The following CPEB2 variants were observed in gnomAD, a reference collection of about 807,000 sequenced individuals.
The protein encoded by CPEB2 is cytoplasmic polyadenylation element binding protein 2.
A neutral mutation model predicts 93.6 loss-of-function variants in CPEB2; 56 were observed. The observed-to-expected ratio is 0.60, with a 90% CI of 0.48 to 0.75. CPEB2 has a LOEUF of 0.75. Ranked by LOEUF, CPEB2 falls within the 30% of genes least tolerant of loss-of-function variation. The pLI is 0.00. For missense variants in CPEB2, 1,579 were observed against 1,395.1 expected, an observed-to-expected ratio of 1.13 and a Z score of -2.10; for synonymous variants, 764 against 586.3, an observed-to-expected ratio of 1.30 and a Z score of -4.38.
chr4:15,012,667 C>T (rs926994261), intron 3 of CPEB2, among the ~76,000 whole-genome samples: 2 of 151,958 alleles, frequency 1.3e-5, no homozygotes, highest in Admixed American at 1.3e-4. Context: ...TCAATATCTA[C>T]TTAAAATTAA....
At chr4:15,046,093 G>A (rs1395523331) in intron 6 of CPEB2, among the ~76,000 whole-genome samples, 1 of 152,102 alleles carries the variant, frequency 6.6e-6, no homozygotes, top group Non-Finnish European at 1.5e-5. Context: ...GGGTGGACAT[G>A]AGCACTCGTT....
chr4:15,007,983 G>C (rs572076921), intron 2 of CPEB2, among the ~76,000 whole-genome samples: 1 of 152,160 alleles, frequency 6.6e-6, no homozygotes, highest in South Asian at 2.1e-4. Context: ...ATAATTGGCT[G>C]TATATATATT....
At chr4:15,048,256 T>C (rs1435791828) in intron 6 of CPEB2, among the ~76,000 whole-genome samples, 1 of 152,032 alleles carries the variant, frequency 6.6e-6, no homozygotes, top group Non-Finnish European at 1.5e-5. Flanking sequence ...GCTTCCTCTT[T>C]CTTTATTCTC....
rs1259164907 is a variant in CPEB2, at chr4:15,006,531, T to G, written c.1663-774T>G. On this transcript the variant is annotated intron_variant, in intron 1 of 11. Transcript: ENST00000538197. ...TTGAGATTAGGATGTAATTTACTTT[T>G]GAAAATGAATCAACTTGATGGAGAC... 4 of 152,198 alleles carry G rather than the reference T, an allele frequency of 2.6e-5. No individual in the cohort carries two copies. In the East Asian group the frequency reaches 7.7e-4, roughly 29 times the overall value. The allele number at this position is 152,198 out of a possible 1,614,324, so 9.4% of individuals were successfully genotyped here.
intron 6 of CPEB2, 74 bp downstream of exon 6, chr4:15,040,561 C>A: frequency 7.7e-7 from 1 of 1,306,758 alleles, no homozygotes; most frequent in South Asian, 1.4e-5. Context: ...ATTAATTACT[C>A]TAGATTTTTC....
chr4:15,004,109 C>G lies in CPEB2; in HGVS notation c.1436C>G (p.Pro479Arg), dbSNP rs1163575373. 6.4e-7 allele frequency: 1 copy of G among 1,553,598 alleles called. No homozygotes were observed. Among genetic ancestry groups the G allele is most frequent in the African/African-American group, 1.4e-5 (1 of 69,766 alleles). ...CACGGCTGCACTGGGCTCAGCGTTC[C>G]GACGAGCGGCGGCGGCGGCGGCGGC... is the stretch of plus-strand genomic sequence containing the variant. The part of the protein sequence containing the change: ...SPHGCTGLSV[P>R]TSGGGGGGFG... Residue 479 changes from proline (P) to arginine (R), a missense_variant, in exon 1 of 12, where the codon CCG becomes CGG. By Grantham distance (103) the Pro-to-Arg change is moderately radical. This residue lies in a region of CPEB2 where 1,411 missense variants were observed against 1,056.0 expected (regional missense o/e 1.34). Coordinates refer to ENST00000538197, the MANE Select transcript of CPEB2 (RefSeq NM_001177382.2).
At chr4:15,015,221 A>G (rs1723984198) in intron 3 of CPEB2, among the ~76,000 whole-genome samples, 1 of 152,092 alleles carries the variant, frequency 6.6e-6, no homozygotes, top group Non-Finnish European at 1.5e-5. Flanking sequence ...GTGTTTAACC[A>G]GCCTTCCAGA....
In CPEB2 at chr4:15,003,401, A is replaced by T; in HGVS notation, c.728A>T (p.His243Leu). The T allele has an allele frequency of 7.3e-7, 1 of 1,365,864 alleles. No individual in the cohort carries two copies. 84.6% of individuals were successfully genotyped at this position (1,365,864 alleles called of 1,614,324 possible). ...PQQFSLLHQQ[H>L]LSPQDFAPRQ... is the part of the protein sequence containing the mutation. Reference sequence around the variant, plus strand: ...CAGTTCAGCCTCCTGCATCAGCAGCACCTCTCGCCGCAGGACTTCGCCCCG... The same window carrying T: ...CAGTTCAGCCTCCTGCATCAGCAGCTCCTCTCGCCGCAGGACTTCGCCCCG... The change falls in exon 1 of 12, where the codon CAC becomes CTC. Residue 243 changes from histidine (H) to leucine (L), a missense_variant. Around this residue, in one of 2 missense-constraint regions of CPEB2, gnomAD observed 1,411 missense variants for 1,056.0 expected, o/e 1.34. Transcript: ENST00000538197.
intron 3 of CPEB2, among the ~76,000 whole-genome samples, chr4:15,015,142 CTTG>C (rs1002096036): frequency 5.3e-5 from 8 of 151,998 alleles, no homozygotes; most frequent in African/African-American, 1.9e-4. Context: ...CACCTGGGAA[CTTG>C]TTAGAAATAC....
chr4:15,056,531 G>T (rs1728729492), intron 8 of CPEB2, among the ~76,000 whole-genome samples: 1 of 152,140 alleles, frequency 6.6e-6, no homozygotes. Flanking sequence ...ATTGGCACTG[G>T]CAAATCATAG....
chr4:15,003,924 G>C lies in CPEB2; in HGVS notation c.1251G>C (p.Pro417=). 1 of 1,078,526 alleles carries C rather than the reference G, an allele frequency of 9.3e-7. No homozygotes were observed. The highest frequency in any genetic ancestry group is 1.2e-6 in the Non-Finnish European group (1 of 837,912). The allele number at this position is 1,078,526 out of a possible 1,614,324, so 66.8% of individuals were successfully genotyped here. ...CCCAGCAGCCGCCCCAGCCGCAGCC[G>C]CAGCCGCCCGGCTCGTCTGCCACCA... ...PPPQQPPQPQ[P]QPPGSSATTP... The change falls in exon 1 of 12, where the codon CCG becomes CCC. Residue 417 remains proline (P), a synonymous_variant. Coordinates refer to ENST00000538197, the MANE Select transcript of CPEB2 (RefSeq NM_001177382.2).
rs1723080421 is a variant in CPEB2 at position 15,008,324 on chromosome 4, C to A, written c.1945-14C>A. 8 of 1,601,392 alleles carry A rather than the reference C, an allele frequency of 5.0e-6. No individual in the cohort carries two copies. In the East Asian group the frequency reaches 1.3e-4, roughly 27 times the overall value. On this transcript the variant is annotated splice_polypyrimidine_tract_variant and intron_variant, in intron 2 of 11. Transcript: ENST00000538197. ...AACTGCTCATTTCTGATGAAAACTT[C>A]TATGCTATTGAAGGTGAGATCTAGT...
rs1032389911 is a variant in CPEB2, at chr4:15,005,692, C to G, written c.1662+1357C>G. Reference sequence around the variant, plus strand: ...TTAAAGTGAATATTATCTAAATTAACCCAAGTGAAAGTTAACAGTTTATCT... The same window carrying G: ...TTAAAGTGAATATTATCTAAATTAAGCCAAGTGAAAGTTAACAGTTTATCT... On this transcript the variant is annotated intron_variant, in intron 1 of 11. Transcript: ENST00000538197. 2.6e-5 allele frequency among the ~76,000 whole-genome samples: 4 copies of G among 152,162 alleles called. No homozygotes were observed. In the East Asian group the frequency reaches 7.7e-4, roughly 29 times the overall value.
chr4:15,026,322 G>A (rs1725475594), intron 4 of CPEB2, among the ~76,000 whole-genome samples: 1 of 151,884 alleles, frequency 6.6e-6, no homozygotes, highest in Non-Finnish European at 1.5e-5. Context: ...CACCTCCTGG[G>A]TTCAAGCGAT....
chr4:15,044,844 C>T lies in CPEB2; in HGVS notation c.2200+4357C>T, dbSNP rs1297984271. On this transcript the variant is annotated intron_variant, in intron 6 of 11. Coordinates refer to ENST00000538197, the MANE Select transcript of CPEB2 (RefSeq NM_001177382.2). Reference sequence around the variant, plus strand: ...TGCCGCACATACACCTACACACACACGGAGACCAGAGACCATAGGGGATAG... The same window carrying T: ...TGCCGCACATACACCTACACACACATGGAGACCAGAGACCATAGGGGATAG... Among the ~76,000 whole-genome samples the T allele has an allele frequency of 3.3e-5, 5 of 152,266 alleles. No homozygotes were observed. In the East Asian group the frequency reaches 7.7e-4, roughly 24 times the overall value.
chr4:15,008,223 G>A (rs1264687728), intron 2 of CPEB2, 115 bp from the exon 3 acceptor site: 1 of 638,570 alleles, frequency 1.6e-6, no homozygotes, highest in African/African-American at 1.8e-5. Flanking sequence ...ACCTTTAGAG[G>A]ATGGAATGAG....
At chr4:15,045,063 T>TG (rs1727528366) in intron 6 of CPEB2, among the ~76,000 whole-genome samples, 1 of 152,210 alleles carries the variant, frequency 6.6e-6, no homozygotes, top group Non-Finnish European at 1.5e-5. Context: ...TTTACCTTAA[T>TG]ATGGCCTTTG....
chr4:15,020,372 T>G (rs532911231), intron 4 of CPEB2, among the ~76,000 whole-genome samples: 1 of 152,126 alleles, frequency 6.6e-6, no homozygotes, highest in East Asian at 1.9e-4. Flanking sequence ...AAAGAAAAAT[T>G]AGTCAAGGTG....
rs1478592341 is a variant in CPEB2, at chr4:15,002,829, G to T, written c.156G>T (p.Pro52=). The T allele has an allele frequency of 3.9e-6, 6 of 1,535,090 alleles. No individual in the cohort carries two copies. Among genetic ancestry groups the T allele is most frequent in the African/African-American group, 1.4e-5 (1 of 72,874 alleles). ...ATPFGPLSPP[P]LPVTGFLEAA... ...CCTTCGGCCCACTGTCGCCACCACC[G>T]TTGCCTGTCACCGGCTTCTTAGAGG... Residue 52 remains proline (P), a synonymous_variant, in exon 1 of 12, where the codon CCG becomes CCT. Transcript: ENST00000538197.
Sources: gnomAD v4.1 joint callset for allele counts (sites outside exome capture counted in the v4.1 genomes callset) on GRCh38, gnomAD v4.1.1 for gene constraint, gnomAD v4.1.1 regional missense constraint, MANE v1.5 for transcripts, NCBI Gene and HGNC (gene_info 2026-07-23, HGNC 2026-07-21) for gene names.